C3: variants seen among roughly 807,000 people sequenced by gnomAD.
C3 encodes complement C3.
C3 carries 97 observed loss-of-function variants against 207.9 expected under a neutral mutation model. That is an observed-to-expected ratio of 0.47 (90% CI 0.40 to 0.55). The LOEUF is 0.55. Ranked by LOEUF, C3 falls within the 20% of genes least tolerant of loss-of-function variation. C3 has a pLI of 0.00. For missense variants in C3, 1,684 were observed against 2,171.7 expected (o/e 0.78, Z 4.46); for synonymous variants, 848 against 857.6 (o/e 0.99, Z 0.20).
chr19:6,702,295 A>G (rs1242412911), intron 18 of C3, 83 bp from the exon 19 acceptor site: 1 of 1,027,114 alleles, frequency 9.7e-7, no homozygotes, highest in Non-Finnish European at 1.5e-6. Flanking sequence ...AGGGACCCCA[A>G]GGGACAGGCT....
At chr19:6,690,809 C>T in intron 26 of C3, 82 bp from the exon 27 acceptor site, 1 of 1,104,706 alleles carries the variant, frequency 9.1e-7, no homozygotes, top group South Asian at 1.3e-5. Flanking sequence ...GATTCAGAAT[C>T]AGGGGGTCTG....
chr19:6,679,811 C>A (rs1179111255), intron 36 of C3, among the ~76,000 whole-genome samples: 1 of 152,036 alleles, frequency 6.6e-6, no homozygotes, highest in Non-Finnish European at 1.5e-5. Flanking sequence ...CCCCCTGCAA[C>A]TCACATATTC....
intron 4 of C3, among the ~76,000 whole-genome samples, chr19:6,715,487 T>TG (rs1555687292): frequency 1.3e-5 from 2 of 151,760 alleles, no homozygotes; most frequent in Middle Eastern, 3.4e-3. Flanking sequence ...AAAATAATAA[T>TG]AATGAATGAA....
chr19:6,706,993 A>T, intron 17 of C3, 83 bp downstream of exon 17: 1 of 170,788 alleles, frequency 5.9e-6, no homozygotes, highest in Admixed American at 9.8e-5. Flanking sequence ...CCCCCACCAG[A>T]CAGGGCATCC....
At chr19:6,682,979 G>A (rs188676039) in intron 33 of C3, 75 of 153,302 alleles carry the variant, frequency 4.9e-4, no homozygotes, top group African/African-American at 1.4e-3. Flanking sequence ...GCAGACTATG[G>A]TGATGTTGAC....
intron 23 of C3, among the ~76,000 whole-genome samples, chr19:6,695,383 G>T (rs1967510163): frequency 6.6e-6 from 1 of 152,118 alleles, no homozygotes; most frequent in South Asian, 2.1e-4. Flanking sequence ...CTTACAGGTT[G>T]CAAGTCCCTT....
chr19:6,710,782 C>A lies in C3; in HGVS notation c.1543G>T (p.Val515Leu), dbSNP rs1431424844. 15 of 1,613,802 alleles carry A rather than the reference C, an allele frequency of 9.3e-6. No individual in the cohort carries two copies. Among genetic ancestry groups the A allele is most frequent in the East Asian group, 2.2e-5 (1 of 44,902 alleles). ...RQVREPGQDL[V>L]VLPLSITTDF... Reference sequence around the variant, plus strand: ...GTGGTGATGGACAGGGGCAGCACCACCAGGTCCTGGCCGGGCTCTCGCACC... The same window carrying A: ...GTGGTGATGGACAGGGGCAGCACCAACAGGTCCTGGCCGGGCTCTCGCACC... Residue 515 changes from valine (V) to leucine (L), a missense_variant, in exon 13 of 41, where the codon GTG becomes TTG. Coordinates refer to ENST00000245907, the MANE Select transcript of C3 (RefSeq NM_000064.4).
chr19:6,714,271 G>A, intron 5 of C3, 23 bp from the exon 6 acceptor site: 1 of 1,612,938 alleles, frequency 6.2e-7, no homozygotes, highest in Non-Finnish European at 8.5e-7. Context: ...CGGATGAGTG[G>A]TCTCTCAGGC....
rs1358406715 is a variant in C3, at chr19:6,678,439, C to T, written c.4647G>A (p.Leu1549=). 1.9e-6 allele frequency: 3 copies of T among 1,613,962 alleles called. No individual in the cohort carries two copies. In the African/African-American group the frequency reaches 4.0e-5, roughly 22 times the overall value. ...AGTCATTGGACAGCTGAACCTTGACCAGTCGGGTCTTGTACACTGTGGGGG... is the reference window on the plus strand; with the variant it reads ...AGTCATTGGACAGCTGAACCTTGACTAGTCGGGTCTTGTACACTGTGGGGG... ...PGVDYVYKTR[L]VKVQLSNDFD... is the part of the protein sequence containing the mutation. Residue 1549 remains leucine, a synonymous_variant, in exon 39 of 41, where the codon CTG becomes CTA. Coordinates refer to ENST00000245907, the MANE Select transcript of C3 (RefSeq NM_000064.4).
At chr19:6,717,965 G>C in intron 4 of C3, 129 bp downstream of exon 4, 1 of 861,980 alleles carries the variant, frequency 1.2e-6, no homozygotes, top group Non-Finnish European at 2.0e-6. Context: ...GTGTGTGTCT[G>C]CATATCTCTT....
At chr19:6,714,324 G>A (rs1967987249) in intron 5 of C3, 28 bp downstream of exon 5, 6 of 1,611,288 alleles carry the variant, frequency 3.7e-6, no homozygotes, top group Non-Finnish European at 5.1e-6. Context: ...GGGGAGCCCT[G>A]AGCCCCCTCC....
At chr19:6,692,103 C>T (rs914361060) in intron 26 of C3, among the ~76,000 whole-genome samples, 1 of 151,996 alleles carries the variant, frequency 6.6e-6, no homozygotes, top group African/African-American at 2.4e-5. Flanking sequence ...GGTCCGGTCT[C>T]AGAATATGTT....
chr19:6,693,988 G>T (rs1433010494), intron 24 of C3, among the ~76,000 whole-genome samples: 2 of 136,424 alleles, frequency 1.5e-5, no homozygotes, highest in African/African-American at 6.1e-5. Context: ...TCAGGGGATG[G>T]GCATGGCCTT....
At chr19:6,703,219 G>T (rs962555926) in intron 17 of C3, among the ~76,000 whole-genome samples, 2 of 152,044 alleles carry the variant, frequency 1.3e-5, no homozygotes, top group African/African-American at 2.4e-5. Flanking sequence ...TCCATAAAAA[G>T]AACTAAAAAT....
chr19:6,697,046 A>AAAAAAAAT (rs1479382327), intron 21 of C3, among the ~76,000 whole-genome samples: 2 of 64,124 alleles, frequency 3.1e-5, no homozygotes, highest in African/African-American at 1.4e-4. Context: ...TGTCTCAAAA[A>AAAAAAAAT]AATAAACAAA....
At chr19:6,685,942 G>A (rs1476102812) in intron 29 of C3, among the ~76,000 whole-genome samples, 182 bp downstream of exon 29, 1 of 152,192 alleles carries the variant, frequency 6.6e-6, no homozygotes, top group Non-Finnish European at 1.5e-5. Context: ...TACCCAGATT[G>A]TATTCTAGAA....
chr19:6,710,953 A>C (rs1330977194), intron 12 of C3, 34 bp downstream of exon 12: 4 of 1,608,086 alleles, frequency 2.5e-6, no homozygotes, highest in South Asian at 1.1e-5. Flanking sequence ...AACAAGGAGG[A>C]GGCGGGGGCT....
chr19:6,691,413 T>C (rs421147), intron 26 of C3, among the ~76,000 whole-genome samples: 1 of 151,798 alleles, frequency 6.6e-6, no homozygotes, highest in Non-Finnish European at 1.5e-5. Flanking sequence ...ATCGCAGCGA[T>C]AATGAACTGT....
intron 14 of C3, among the ~76,000 whole-genome samples, chr19:6,708,639 TTC>T (rs35584057): frequency 1.2e-4 from 17 of 146,576 alleles, no homozygotes; most frequent in African/African-American, 3.6e-4. Context: ...TTCTTTTTCT[TTC>T]TCTCTGTTTC....
Sources: allele counts gnomAD v4.1 joint callset (sites outside exome capture counted in the v4.1 genomes callset), GRCh38; gene constraint gnomAD v4.1.1; transcripts MANE v1.5; gene names NCBI Gene and HGNC (gene_info 2026-07-23, HGNC 2026-07-21).